LRRC39: variants seen among roughly 807,000 people sequenced by gnomAD.
The protein encoded by LRRC39 is leucine-rich repeat-containing protein 39.
Under a neutral mutation model 39.7 loss-of-function variants are expected in LRRC39, and 35 were observed. The ratio of observed to expected loss-of-function variants is 0.88; its 90% CI spans 0.67 to 1.17. The LOEUF is 1.17. Ranked by LOEUF, LRRC39 falls within the 50% of genes most tolerant of loss-of-function variation. LRRC39 has a pLI of 0.00. For missense variants in LRRC39, 357 were observed against 385.8 expected, an observed-to-expected ratio of 0.93 and a Z score of 0.62; for synonymous variants, 113 against 134.1, an observed-to-expected ratio of 0.84 and a Z score of 1.09.
intron 9 of LRRC39, 75 bp from the exon 10 acceptor site, chr1:100,149,172 T>C: frequency 6.5e-7 from 1 of 1,542,600 alleles, no homozygotes; most frequent in East Asian, 2.3e-5. Flanking sequence ...TTATCTTCCT[T>C]TGATTTTATT....
At chr1:100,155,692 G>A (rs1425548805) in intron 7 of LRRC39, among the ~76,000 whole-genome samples, 1 of 152,188 alleles carries the variant, frequency 6.6e-6, no homozygotes, top group African/African-American at 2.4e-5. Context: ...TTATAGCAAA[G>A]CAGTATGCAT....
chr1:100,161,497 A>G (rs1012481270), intron 3 of LRRC39, among the ~76,000 whole-genome samples: 8 of 152,072 alleles, frequency 5.3e-5, no homozygotes, highest in Non-Finnish European at 1.0e-4. Context: ...CAATTCATCA[A>G]CTGATGGACA....
chr1:100,177,718 A>C (rs1480487143), intron 1 of LRRC39, among the ~76,000 whole-genome samples: 1 of 152,194 alleles, frequency 6.6e-6, no homozygotes, highest in Non-Finnish European at 1.5e-5. Flanking sequence ...CCATTTGCTA[A>C]TTCATTTCCT....
At chr1:100,174,047 T>C (rs1659803852) in intron 1 of LRRC39, among the ~76,000 whole-genome samples, 1 of 152,266 alleles carries the variant, frequency 6.6e-6, no homozygotes, top group South Asian at 2.1e-4. Flanking sequence ...CAAAATTCAT[T>C]TGGAGAAGGA....
intron 6 of LRRC39, 103 bp downstream of exon 6, chr1:100,158,128 C>A (rs1414539187): frequency 3.2e-6 from 4 of 1,254,498 alleles, no homozygotes; most frequent in Non-Finnish European, 4.4e-6. Flanking sequence ...TTCTGAAATA[C>A]ATAGAATTTT....
chr1:100,156,111 G>C, intron 7 of LRRC39, 61 bp downstream of exon 7: 2 of 1,518,794 alleles, frequency 1.3e-6, no homozygotes, highest in Middle Eastern at 1.7e-4. Context: ...GTCTTGCTTG[G>C]TTATTTTTCA....
intron 7 of LRRC39, 78 bp downstream of exon 7, chr1:100,156,094 C>A: frequency 7.4e-7 from 1 of 1,356,906 alleles, no homozygotes; most frequent in East Asian, 2.4e-5. Context: ...TGCTTGAGAT[C>A]CCATTTGTCT....
At chr1:100,150,951 A>T (rs187696216) in intron 9 of LRRC39, among the ~76,000 whole-genome samples, 88 of 152,138 alleles carry the variant, frequency 5.8e-4, no homozygotes, top group Non-Finnish European at 1.6e-4. Context: ...AATATGGTGA[A>T]ACCCTGTCTC....
chr1:100,179,536 G>C (rs1050327788), upstream of LRRC39, among the ~76,000 whole-genome samples: 4 of 140,902 alleles, frequency 2.8e-5, no homozygotes, highest in Non-Finnish European at 4.5e-5. Context: ...AAAGTAGCCA[G>C]GCATGGTGGC....
chr1:100,175,047 C>T (rs1659864257), intron 1 of LRRC39, among the ~76,000 whole-genome samples: 1 of 150,574 alleles, frequency 6.6e-6, no homozygotes, highest in East Asian at 2.0e-4. Flanking sequence ...AGGCTTCCCC[C>T]TTTGCCTTCC....
intron 8 of LRRC39, among the ~76,000 whole-genome samples, chr1:100,154,242 A>G (rs1658288401): frequency 6.6e-6 from 1 of 152,200 alleles, no homozygotes; most frequent in African/African-American, 2.4e-5. Flanking sequence ...GACACCCAAT[A>G]TAATAAAGTA....
At chr1:100,155,992 TC>T (rs2101769444) in intron 7 of LRRC39, among the ~76,000 whole-genome samples, 179 bp downstream of exon 7, 1 of 152,324 alleles carries the variant, frequency 6.6e-6, no homozygotes, top group East Asian at 1.9e-4. Context: ...AGTTTTTTCT[TC>T]TTCCCAAACC....
intron 2 of LRRC39, 104 bp from the exon 3 acceptor site, chr1:100,168,698 T>G (rs1330343946): frequency 5.8e-6 from 3 of 519,074 alleles, no homozygotes; most frequent in Non-Finnish European, 1.0e-5. Context: ...CTCCAAAAAC[T>G]ATTTTATATA....
intron 8 of LRRC39, 49 bp from the exon 9 acceptor site, chr1:100,152,573 A>G: frequency 1.3e-6 from 2 of 1,581,756 alleles, no homozygotes; most frequent in East Asian, 4.5e-5. Flanking sequence ...ATGGAAGTGT[A>G]CATTTATTTC....
upstream of LRRC39, among the ~76,000 whole-genome samples, chr1:100,179,515 A>AAAAAG (rs1660160038): frequency 2.0e-5 from 3 of 149,932 alleles, 1 homozygote; most frequent in Non-Finnish European, 3.0e-5. Context: ...AAAAAAAAAA[A>AAAAAG]AAAAAAAATT....
chr1:100,169,741 A>C (rs1677230783), intron 2 of LRRC39, among the ~76,000 whole-genome samples: 1 of 152,156 alleles, frequency 6.6e-6, no homozygotes, highest in Non-Finnish European at 1.5e-5. Context: ...ATAAGCAATA[A>C]TGTTTCTAAA....
chr1:100,154,241 TATA>T (rs1658288509), intron 8 of LRRC39, among the ~76,000 whole-genome samples: 1 of 152,104 alleles, frequency 6.6e-6, no homozygotes, highest in Non-Finnish European at 1.5e-5. Flanking sequence ...AGACACCCAA[TATA>T]ATAAAGTACT....
chr1:100,175,198 GTTTGTTT>G (rs1447908599), intron 1 of LRRC39, among the ~76,000 whole-genome samples: 1 of 151,912 alleles, frequency 6.6e-6, no homozygotes, highest in African/African-American at 2.4e-5. Flanking sequence ...TTTTTTGTTT[GTTTGTTT>G]TTTGTTTTTT....
intron 8 of LRRC39, among the ~76,000 whole-genome samples, chr1:100,153,408 T>C (rs1473761915): frequency 2.0e-5 from 3 of 152,260 alleles, no homozygotes; most frequent in Non-Finnish European, 4.4e-5. Context: ...GAATTTATGA[T>C]GAAGACCTCA....
Sources: allele counts gnomAD v4.1 joint callset (sites outside exome capture counted in the v4.1 genomes callset), GRCh38; gene constraint gnomAD v4.1.1; transcripts MANE v1.5; gene names NCBI Gene and HGNC (gene_info 2026-07-23, HGNC 2026-07-21).